Variants in UBXN11 observed in about 807,000 individuals in gnomAD.
The protein encoded by UBXN11 is UBX domain-containing protein 11.
Under a neutral mutation model 62.8 loss-of-function variants are expected in UBXN11, and 47 were observed. That is an observed-to-expected ratio of 0.75 (90% confidence interval 0.59 to 0.95). UBXN11 has a LOEUF of 0.95. UBXN11 is among the 40% of genes least tolerant of loss of function. The pLI is 0.00. For missense variants in UBXN11, 638 were observed against 661.7 expected (o/e 0.96, Z 0.39); for synonymous variants, 294 against 267.0 (o/e 1.10, Z -0.99).
chr1:26,286,705 TTTTA>T (rs1304524589), intron 8 of UBXN11, among the ~76,000 whole-genome samples: 1 of 152,020 alleles, frequency 6.6e-6, no homozygotes, highest in Non-Finnish European at 1.5e-5. Context: ...GGGTAATTAT[TTTTA>T]TTTATTTGAG....
At chr1:26,309,397 C>A (rs1262986063), upstream of UBXN11, among the ~76,000 whole-genome samples, 2 of 151,312 alleles carry the variant, frequency 1.3e-5, no homozygotes, top group Non-Finnish European at 2.9e-5. Flanking sequence ...GTGCCACCAC[C>A]CCCAGCTAAT....
intron 9 of UBXN11, 79 bp downstream of exon 9, chr1:26,285,744 G>T: frequency 6.6e-7 from 1 of 1,506,426 alleles, no homozygotes. Flanking sequence ...TGGGCCTGGG[G>T]TGAGCTGGCT....
chr1:26,297,458 C>T lies in UBXN11; in HGVS notation c.324G>A (p.Glu108=), dbSNP rs2073421241. The change falls in exon 6 of 15, where the codon GAG becomes GAA. Residue 108 remains glutamate, a synonymous_variant. Coordinates refer to ENST00000374222, the MANE Select transcript of UBXN11 (RefSeq NM_001389556.1). ...GTGGCCGGAGGGTCTGCACCAGGTC[C>T]TCTAGGGCCGCTATCTTCTGATCCT... ...LSKDQKIAAL[E]DLVQTLRPHP... 2 of 1,556,456 alleles carry T rather than the reference C, an allele frequency of 1.3e-6. No homozygotes were observed. The highest frequency in any genetic ancestry group is 8.7e-7 in the Non-Finnish European group (1 of 1,149,676).
chr1:26,309,123 C>T (rs540929727), upstream of UBXN11, among the ~76,000 whole-genome samples: 8 of 151,644 alleles, frequency 5.3e-5, no homozygotes, highest in African/African-American at 1.9e-4. Context: ...TTAGTAGAGA[C>T]GGGGTTTCAC....
chr1:26,317,133 C>T (rs961669355), intron 1 of UBXN11, among the ~76,000 whole-genome samples: 16 of 150,668 alleles, frequency 1.1e-4, no homozygotes, highest in African/African-American at 3.7e-4. Flanking sequence ...CCCAGCTATG[C>T]GGGAGGCCAA....
intron 12 of UBXN11, among the ~76,000 whole-genome samples, chr1:26,283,206 AC>A (rs892470885): frequency 3.9e-5 from 6 of 152,150 alleles, no homozygotes; most frequent in African/African-American, 1.4e-4. Context: ...CTGGAAGCCC[AC>A]CCCAGCCTGG....
intron 8 of UBXN11, among the ~76,000 whole-genome samples, chr1:26,288,241 G>A (rs2073176489): frequency 1.3e-5 from 2 of 152,112 alleles, no homozygotes; most frequent in East Asian, 1.9e-4. Context: ...TGCTCCTGCC[G>A]CCTCCCAGGG....
At chr1:26,313,114 T>C (rs12754536) in intron 1 of UBXN11, among the ~76,000 whole-genome samples, 80,217 of 151,754 alleles carry the variant, frequency 0.53, 22,541 homozygotes, top group Non-Finnish European at 0.65. Context: ...ATCCCAGCCC[T>C]GTCTCAGTGA....
chr1:26,309,245 A>ACTTTT (rs1465206566), upstream of UBXN11, among the ~76,000 whole-genome samples: 46 of 112,532 alleles, frequency 4.1e-4, no homozygotes, highest in African/African-American at 1.6e-3. Context: ...GAGTCAATTG[A>ACTTTT]TTTTTTTTTT....
At chr1:26,311,469 T>C (rs1035996290), upstream of UBXN11, among the ~76,000 whole-genome samples, 11 of 147,796 alleles carry the variant, frequency 7.4e-5, no homozygotes, top group Non-Finnish European at 1.5e-5. Flanking sequence ...TGAGATGGAG[T>C]CTCACACTCG....
intron 8 of UBXN11, among the ~76,000 whole-genome samples, chr1:26,289,186 G>A (rs1236703364): frequency 6.6e-6 from 1 of 152,114 alleles, no homozygotes; most frequent in Non-Finnish European, 1.5e-5. Context: ...GGGCCTCTAT[G>A]GGCCTCAGCT....
At chr1:26,298,120 G>A (rs985706874) in intron 4 of UBXN11, 58 bp from the exon 5 acceptor site, 116 of 1,551,692 alleles carry the variant, frequency 7.5e-5, no homozygotes, top group Admixed American at 2.0e-4. Context: ...GAGTTGTGGG[G>A]GGGAGGGAGG....
intron 2 of UBXN11, 60 bp from the exon 3 acceptor site, chr1:26,301,782 G>A (rs2073541397): frequency 6.2e-7 from 1 of 1,606,548 alleles, no homozygotes; most frequent in African/African-American, 1.3e-5. Context: ...AATGATACCA[G>A]GGATAAGGCT....
At chr1:26,283,687 G>A (rs2073056645) in intron 12 of UBXN11, among the ~76,000 whole-genome samples, 1 of 152,130 alleles carries the variant, frequency 6.6e-6, no homozygotes. Flanking sequence ...GACCAGACAG[G>A]ACTTAGCAAT....
rs775217328 is a variant in UBXN11, at chr1:26,296,915, T to C, written c.432+4A>G. Reference sequence around the variant, plus strand: ...CCGCATCCCCCGGGGCCCAGCTCTCTCACCTCCATCTCCCTGACCTGCCGC... The same window carrying C: ...CCGCATCCCCCGGGGCCCAGCTCTCCCACCTCCATCTCCCTGACCTGCCGC... On this transcript the variant is annotated splice_donor_region_variant and intron_variant, in intron 7 of 14. Coordinates refer to ENST00000374222, the MANE Select transcript of UBXN11 (RefSeq NM_001389556.1). 2 of 1,601,644 alleles carry C rather than the reference T, an allele frequency of 1.2e-6. No individual in the cohort carries two copies. Among genetic ancestry groups the C allele is most frequent in the Admixed American group, 1.7e-5 (1 of 58,554 alleles).
chr1:26,282,589 G>C lies in UBXN11; in HGVS notation c.1293-20C>G. 1 of 1,610,826 alleles carries C rather than the reference G, an allele frequency of 6.2e-7. No homozygotes were observed. The highest frequency in any genetic ancestry group is 8.5e-7 in the Non-Finnish European group (1 of 1,178,008). On this transcript the variant is annotated intron_variant, in intron 14 of 14. Transcript: ENST00000374222. Reference sequence around the variant, plus strand: ...ATGACCCTGGGGACCAGGCAGAGCAGATCAGGCTGGGCAGTGGGACCAGAG... The same window carrying C: ...ATGACCCTGGGGACCAGGCAGAGCACATCAGGCTGGGCAGTGGGACCAGAG...
chr1:26,314,601 C>T (rs559035419), intron 1 of UBXN11, among the ~76,000 whole-genome samples: 1 of 152,288 alleles, frequency 6.6e-6, no homozygotes, highest in East Asian at 1.9e-4. Flanking sequence ...CTACTAGGCT[C>T]GGAGGTGGGA....
At chr1:26,285,020 G>C in intron 10 of UBXN11, 1 of 1,004,034 alleles carries the variant, frequency 1.0e-6, no homozygotes, top group Non-Finnish European at 1.2e-6. Context: ...ATGGGCTCTG[G>C]TGGTGGCACC....
rs1416048965 is a variant in UBXN11 at position 26,282,754 on chromosome 1, A to G, written c.1187T>C (p.Leu396Pro). The G allele has an allele frequency of 1.2e-6, 2 of 1,614,006 alleles. No individual in the cohort carries two copies. Among genetic ancestry groups the G allele is most frequent in the Admixed American group, 3.3e-5 (2 of 60,010 alleles). ...CTCAGACTTGATGCGCAGCATGGAG[A>G]GCGGGGGTGCCGGCGTGTTGGGTGA... The part of the protein sequence containing the change: ...QESPNTPAPP[L>P]SMLRIKSENG... The change falls in exon 14 of 15, where the codon CTC (leucine) becomes CCC (proline). Residue 396 changes from leucine to proline, a missense_variant. Leu to Pro is a moderately conservative substitution (Grantham distance 98, BLOSUM62 -3). Transcript: ENST00000374222.
Sources: allele counts gnomAD v4.1 joint callset (sites outside exome capture counted in the v4.1 genomes callset), GRCh38; gene constraint gnomAD v4.1.1; transcripts MANE v1.5; gene names NCBI Gene and HGNC (gene_info 2026-07-23, HGNC 2026-07-21).